The following VDAC1 variants were observed in gnomAD, a reference collection of about 807,000 sequenced individuals.
VDAC1 encodes non-selective voltage-gated ion channel VDAC1.
VDAC1 carries 10 observed loss-of-function variants against 34.7 expected under a neutral mutation model. The observed-to-expected ratio is 0.29, with a 90% CI of 0.18 to 0.49. The LOEUF (loss-of-function observed/expected upper bound fraction) is 0.49, where lower values mean the gene tolerates loss of function less well. Ranked by LOEUF, VDAC1 falls within the 20% of genes least tolerant of loss-of-function variation. The pLI, the probability that VDAC1 is intolerant of heterozygous loss-of-function variation, is 0.99. For synonymous variants in VDAC1, 130 were observed against 136.0 expected, an observed-to-expected ratio of 0.96 and a Z score of 0.30; for missense variants, 230 against 347.9, an observed-to-expected ratio of 0.66 and a Z score of 2.69.
chr5:134,047,486 A>G, the VDAC1 span, among the ~76,000 whole-genome samples: 36 of 152,226 alleles, frequency 2.4e-4, no homozygotes, highest in Non-Finnish European at 5.9e-5. Flanking sequence ...GAGAGAGGAC[A>G]AATGCTCTTG....
At chr5:134,076,161 TAG>T in the VDAC1 span, among the ~76,000 whole-genome samples, 1 of 152,106 alleles carries the variant, frequency 6.6e-6, no homozygotes, top group Middle Eastern at 3.2e-3. Flanking sequence ...GTATTTTTAG[TAG>T]AGACAGGATT....
At chr5:134,113,606 T>C in the VDAC1 span, among the ~76,000 whole-genome samples, 1 of 152,352 alleles carries the variant, frequency 6.6e-6, no homozygotes, top group South Asian at 2.1e-4. Context: ...AGAAACCTGC[T>C]AGGGGAGCTG....
At chr5:133,981,024 T>A in intron 5 of VDAC1, 68 bp from the exon 6 acceptor site, 1 of 1,446,138 alleles carries the variant, frequency 6.9e-7, no homozygotes, top group Non-Finnish European at 9.6e-7. Flanking sequence ...GTCTTTTTTT[T>A]TTTTTTAATC....
the VDAC1 span, among the ~76,000 whole-genome samples, chr5:134,041,696 C>T: frequency 6.6e-6 from 1 of 152,186 alleles, no homozygotes; most frequent in Non-Finnish European, 1.5e-5. Flanking sequence ...GCCTTGGAGC[C>T]ATGCCTGGGA....
At position 133,972,813 on chromosome 5, in the gene VDAC1, A is replaced by G. The variant is rs745431395; in HGVS notation, c.810T>C (p.Ala270=). The G allele has an allele frequency of 1.9e-6, 3 of 1,613,878 alleles. No homozygotes were observed. The East Asian group carries it at 6.7e-5, about 36-fold the overall frequency. Residue 270 remains alanine (A), a synonymous_variant, in exon 9 of 9, where the codon GCT becomes GCC. Coordinates refer to ENST00000265333, the MANE Select transcript of VDAC1 (RefSeq NM_003374.3). ...GTCCTAGACCAAGCTTGTGGCCACCAGCATTGACGTTCTTGCCATCCAGAA... is the reference window on the plus strand; with the variant it reads ...GTCCTAGACCAAGCTTGTGGCCACCGGCATTGACGTTCTTGCCATCCAGAA... The part of the protein sequence containing the change: ...SALLDGKNVN[A]GGHKLGLGLE...
chr5:133,975,747 C>A (rs1026200619), intron 7 of VDAC1, 124 bp downstream of exon 7: 2 of 1,455,634 alleles, frequency 1.4e-6, no homozygotes, highest in South Asian at 2.6e-5. Flanking sequence ...GCGTGAGTCA[C>A]GGCGCCCAGC....
the VDAC1 span, among the ~76,000 whole-genome samples, chr5:134,067,121 G>A: frequency 6.7e-6 from 1 of 150,356 alleles, no homozygotes; most frequent in South Asian, 2.1e-4. Context: ...TGTTACCCGG[G>A]CTGGAGTGCA....
chr5:133,990,745 G>A (rs954584263), intron 5 of VDAC1, 110 bp downstream of exon 5: 20 of 1,321,678 alleles, frequency 1.5e-5, no homozygotes, highest in Admixed American at 4.8e-5. Flanking sequence ...CCAGGTCTCG[G>A]AGACCATATT....
chr5:134,023,590 C>T, the VDAC1 span, among the ~76,000 whole-genome samples: 10 of 151,894 alleles, frequency 6.6e-5, no homozygotes, highest in East Asian at 1.9e-3. Context: ...TTCTTCGGAA[C>T]ATTCATTCAT....
chr5:133,989,727 A>C (rs1580721226), intron 5 of VDAC1, among the ~76,000 whole-genome samples: 1 of 149,648 alleles, frequency 6.7e-6, no homozygotes, highest in South Asian at 2.1e-4. Context: ...CAATGGCACC[A>C]CCTTGGCTCA....
At chr5:134,083,513 A>T in the VDAC1 span, among the ~76,000 whole-genome samples, 1 of 152,138 alleles carries the variant, frequency 6.6e-6, no homozygotes, top group Admixed American at 6.5e-5. Context: ...TAAATGTCGC[A>T]TTATCCTGCA....
At chr5:133,996,411 T>C (rs1753309795) in intron 1 of VDAC1, among the ~76,000 whole-genome samples, 1 of 152,122 alleles carries the variant, frequency 6.6e-6, no homozygotes, top group South Asian at 2.1e-4. Flanking sequence ...ATCCGGCCCA[T>C]ACTGGAAGCA....
chr5:134,035,823 G>A, the VDAC1 span, among the ~76,000 whole-genome samples: 369 of 152,128 alleles, frequency 2.4e-3, 1 homozygote, highest in African/African-American at 7.7e-3. Flanking sequence ...TGGCCAAGAT[G>A]GTGAAACCCC....
the VDAC1 span, among the ~76,000 whole-genome samples, chr5:134,105,052 C>G: frequency 6.6e-6 from 1 of 152,246 alleles, no homozygotes; most frequent in Non-Finnish European, 1.5e-5. Flanking sequence ...CTCCCGAGAG[C>G]TCCTGAGAGC....
At chr5:134,054,458 CTTT>C in the VDAC1 span, among the ~76,000 whole-genome samples, 12,821 of 123,502 alleles carry the variant, frequency 0.1, 660 homozygotes, top group East Asian at 0.28. Flanking sequence ...TCCTTCCTTC[CTTT>C]TTTTTTTTTT....
chr5:133,982,544 C>T (rs1752740888), intron 5 of VDAC1, among the ~76,000 whole-genome samples: 1 of 150,500 alleles, frequency 6.6e-6, no homozygotes, highest in Admixed American at 6.6e-5. Context: ...TAATAACGCT[C>T]AAATCACATA....
intron 1 of VDAC1, among the ~76,000 whole-genome samples, chr5:134,001,502 G>A (rs1402092201): frequency 6.6e-6 from 1 of 151,988 alleles, no homozygotes. Flanking sequence ...GGATCAGGAG[G>A]TCAGGAGTTC....
chr5:134,068,069 G>T, the VDAC1 span, among the ~76,000 whole-genome samples: 3 of 152,130 alleles, frequency 2.0e-5, no homozygotes, highest in African/African-American at 7.2e-5. Flanking sequence ...AGTAAGCAGA[G>T]ATCGCACCAC....
chr5:134,024,809 C>T, the VDAC1 span, among the ~76,000 whole-genome samples: 32,520 of 152,128 alleles, frequency 0.21, 4,038 homozygotes, highest in Admixed American at 0.28. Flanking sequence ...GCTCTTATAG[C>T]CCAGACCCAC....
Sources: gnomAD v4.1 joint callset for allele counts (sites outside exome capture counted in the v4.1 genomes callset) on GRCh38, gnomAD v4.1.1 for gene constraint, MANE v1.5 for transcripts, NCBI Gene and HGNC (gene_info 2026-07-23, HGNC 2026-07-21) for gene names.